Variants in FARP2 observed in about 807,000 individuals in gnomAD.
FARP2 encodes FERM, ARHGEF and pleckstrin domain-containing protein 2.
In FARP2, 111 loss-of-function variants were observed where a neutral mutation model predicts 130.5. That is an observed-to-expected ratio of 0.85 (90% CI 0.73 to 1.00). The LOEUF is 1.00. FARP2 is among the 50% of genes least tolerant of loss of function. The pLI is 0.00. For synonymous variants in FARP2, 504 were observed against 516.9 expected (o/e 0.98, Z 0.34); for missense variants, 1,385 against 1,346.3 (o/e 1.03, Z -0.45).
chr2:241,394,268 C>T (rs2061977571), intron 2 of FARP2, among the ~76,000 whole-genome samples: 1 of 152,134 alleles, frequency 6.6e-6, no homozygotes, highest in African/African-American at 2.4e-5. Context: ...CCTGTAATCC[C>T]AGCACTTTGG....
intron 21 of FARP2, among the ~76,000 whole-genome samples, chr2:241,487,905 G>A (rs1381759472): frequency 2.0e-5 from 3 of 151,458 alleles, no homozygotes; most frequent in East Asian, 2.0e-4. Flanking sequence ...CCGCCACCAC[G>A]CCTGGCTAAT....
At chr2:241,469,867 T>C (rs2064263683) in intron 18 of FARP2, among the ~76,000 whole-genome samples, 1 of 152,212 alleles carries the variant, frequency 6.6e-6, no homozygotes, top group Non-Finnish European at 1.5e-5. Context: ...ATCAGTAAAA[T>C]GTATAGACTG....
At chr2:241,493,222 G>A (rs972222015) in intron 25 of FARP2, 71 bp from the exon 26 acceptor site, 18 of 1,532,320 alleles carry the variant, frequency 1.2e-5, no homozygotes, top group Admixed American at 5.1e-5. Flanking sequence ...CCGTTGTGCA[G>A]GTAGCAGAGG....
chr2:241,364,914 T>C (rs2061270467), intron 1 of FARP2, among the ~76,000 whole-genome samples: 1 of 152,210 alleles, frequency 6.6e-6, no homozygotes, highest in Admixed American at 6.5e-5. Flanking sequence ...TTTTTAGTCT[T>C]GAAGAATTTG....
intron 8 of FARP2, among the ~76,000 whole-genome samples, chr2:241,419,761 C>A (rs965711656): frequency 6.6e-6 from 1 of 152,182 alleles, no homozygotes; most frequent in Non-Finnish European, 1.5e-5. Context: ...AATAGGAATA[C>A]TTCTTTATCA....
In FARP2 at chr2:241,431,925, G is replaced by A. The variant is rs2063102522; in HGVS notation, c.867+151G>A. On this transcript the variant is annotated intron_variant, in intron 9 of 26. Coordinates refer to ENST00000264042, the MANE Select transcript of FARP2 (RefSeq NM_014808.4). ...AACCCTCTGCCTCCCGGGTTCAAGC[G>A]ATTCTCCTGCCTCAGCCTCCCAAGT... 3 of 225,470 alleles carry A rather than the reference G, an allele frequency of 1.3e-5. No homozygotes were observed. In the East Asian group the frequency reaches 3.0e-4, roughly 23 times the overall value. The allele number at this position is 225,470 out of a possible 1,614,324, so 14.0% of individuals were successfully genotyped here.
intron 8 of FARP2, 101 bp downstream of exon 8, chr2:241,418,210 T>G: frequency 7.7e-7 from 1 of 1,294,002 alleles, no homozygotes; most frequent in Non-Finnish European, 1.1e-6. Flanking sequence ...TTTGTCCTGA[T>G]GAGTACGGGC....
chr2:241,382,880 G>T (rs1437885933), intron 2 of FARP2, among the ~76,000 whole-genome samples: 1 of 151,906 alleles, frequency 6.6e-6, no homozygotes, highest in African/African-American at 2.4e-5. Context: ...TTTTTGTTTT[G>T]TGCAGTTTTT....
intron 9 of FARP2, chr2:241,432,264 C>T (rs2063111777): frequency 1.3e-5 from 2 of 152,580 alleles, no homozygotes; most frequent in Admixed American, 1.3e-4. Context: ...TCTGGAGGGG[C>T]TGAGGGCAGT....
At chr2:241,466,369 T>G (rs1251701599) in intron 17 of FARP2, 52 of 985,316 alleles carry the variant, frequency 5.3e-5, no homozygotes, top group Non-Finnish European at 5.8e-5. Context: ...CTGCCAGGAT[T>G]GAAGCCATGA....
intron 8 of FARP2, among the ~76,000 whole-genome samples, chr2:241,424,711 T>C (rs2062887966): frequency 1.3e-5 from 2 of 152,060 alleles, no homozygotes; most frequent in African/African-American, 4.8e-5. Flanking sequence ...CTAGCTAGAC[T>C]AGTAAAGAAG....
At chr2:241,455,222 T>C (rs2063798143) in intron 13 of FARP2, among the ~76,000 whole-genome samples, 1 of 152,088 alleles carries the variant, frequency 6.6e-6, no homozygotes. Context: ...GTGGGTGGAG[T>C]AAGGAGTCAC....
At chr2:241,425,326 T>C (rs1480757437) in intron 8 of FARP2, among the ~76,000 whole-genome samples, 1 of 152,114 alleles carries the variant, frequency 6.6e-6, no homozygotes, top group Non-Finnish European at 1.5e-5. Flanking sequence ...CAAAAATTGA[T>C]AAATGAGATT....
chr2:241,418,067 G>C lies in FARP2; in HGVS notation c.729G>C (p.Lys243Asn). The change falls in exon 8 of 27, where the codon AAG becomes AAC. Residue 243 changes from lysine (K) to asparagine (N), a missense_variant. Coordinates refer to ENST00000264042, the MANE Select transcript of FARP2 (RefSeq NM_014808.4). ...FHMASDREGT[K>N]IQLAVSHMGV... ...TGGCTTCTGACAGGGAAGGAACCAA[G>C]ATTCAACTGGCAGTTTCCCACATGG... 6.2e-7 allele frequency: 1 copy of C among 1,614,210 alleles called. No individual in the cohort carries two copies. Among genetic ancestry groups the C allele is most frequent in the Non-Finnish European group, 8.5e-7 (1 of 1,180,042 alleles).
chr2:241,466,728 G>C, intron 17 of FARP2: 1 of 436,574 alleles, frequency 2.3e-6, no homozygotes, highest in Non-Finnish European at 3.0e-6. Context: ...CCTCCTAGGG[G>C]CTTCCAGAGC....
chr2:241,373,866 T>C (rs2061477683), intron 2 of FARP2, among the ~76,000 whole-genome samples: 1 of 152,190 alleles, frequency 6.6e-6, no homozygotes, highest in Admixed American at 6.5e-5. Context: ...ACTGGTAATA[T>C]TAGCAAGAAC....
intron 20 of FARP2, 76 bp from the exon 21 acceptor site, chr2:241,484,166 G>A: frequency 6.3e-7 from 1 of 1,595,532 alleles, no homozygotes. Context: ...ATGATGAGCA[G>A]CCAGAGTCCA....
intron 14 of FARP2, among the ~76,000 whole-genome samples, chr2:241,461,333 CCT>C (rs3836159): frequency 0.14 from 21,778 of 152,114 alleles, 1,647 homozygotes; most frequent in Admixed American, 0.16. Flanking sequence ...CCACCGGCAG[CCT>C]CTCTGCCCTC....
At chr2:241,447,663 G>A (rs559290930) in intron 13 of FARP2, among the ~76,000 whole-genome samples, 34 of 152,302 alleles carry the variant, frequency 2.2e-4, no homozygotes, top group African/African-American at 8.2e-4. Flanking sequence ...GAGTGCAACA[G>A]CTCTGCAGGT....
Sources: allele counts gnomAD v4.1 joint callset (sites outside exome capture counted in the v4.1 genomes callset), GRCh38; gene constraint gnomAD v4.1.1; transcripts MANE v1.5; gene names NCBI Gene and HGNC (gene_info 2026-07-23, HGNC 2026-07-21).